The following PCDHA1 variants were observed in gnomAD, a reference collection of about 807,000 sequenced individuals.
PCDHA1 encodes protocadherin alpha-1.
A neutral mutation model predicts 61.3 loss-of-function variants in PCDHA1; 42 were observed. The ratio of observed to expected loss-of-function variants is 0.69; its 90% CI spans 0.54 to 0.89. The LOEUF (loss-of-function observed/expected upper bound fraction) is 0.89. PCDHA1 is among the 40% of genes least tolerant of loss of function. PCDHA1 has a pLI of 0.00. For missense variants in PCDHA1, 1,256 were observed against 1,235.3 expected (o/e 1.02, Z -0.25); for synonymous variants, 610 against 553.8 (o/e 1.10, Z -1.43).
chr5:140,801,983 G>T (rs1762826046), intron 1 of PCDHA1: 1 of 1,614,108 alleles, frequency 6.2e-7, no homozygotes, highest in South Asian at 1.1e-5. Context: ...CCCTAGTGGT[G>T]ACCGTTAACG....
At chr5:140,852,245 A>G (rs2042277804) in intron 1 of PCDHA1, 6 of 557,120 alleles carry the variant, frequency 1.1e-5, no homozygotes, top group Non-Finnish European at 1.4e-5. Flanking sequence ...CTTAAAACAC[A>G]CTTTTGGAAT....
At chr5:140,912,897 G>T (rs782442093) in intron 1 of PCDHA1, among the ~76,000 whole-genome samples, 1 of 152,290 alleles carries the variant, frequency 6.6e-6, no homozygotes, top group East Asian at 1.9e-4. Context: ...TTGATATGAT[G>T]TATCATATTG....
intron 1 of PCDHA1, chr5:140,804,915 C>T: frequency 1.1e-6 from 1 of 923,182 alleles, no homozygotes; most frequent in East Asian, 3.0e-5. Context: ...TTCTTTATTT[C>T]CTTTTTTGGC....
intron 3 of PCDHA1, among the ~76,000 whole-genome samples, chr5:140,990,780 GACGATGA>G (rs1554251732): frequency 6.6e-6 from 1 of 152,192 alleles, no homozygotes; most frequent in Non-Finnish European, 1.5e-5. Flanking sequence ...CTCTGTGTTG[GACGATGA>G]ACCATGGAAT....
chr5:140,924,008 C>T lies in PCDHA1; in HGVS notation c.2395-54941C>T, dbSNP rs75028295. On this transcript the variant is annotated intron_variant, in intron 1 of 3. Coordinates refer to ENST00000504120, the MANE Select transcript of PCDHA1 (RefSeq NM_018900.4). ...TAGGTGCAGCTCAGAATTCCTAAAC[C>T]TGGTATAATTGGAGGCATGGCTGCA... 7.8e-3 allele frequency among the ~76,000 whole-genome samples: 1,191 copies of T among 152,262 alleles called. 21 individuals are homozygous for T. The highest frequency in any genetic ancestry group is 0.026 in the African/African-American group (1,098 of 41,552).
rs1281739668 is a variant in PCDHA1, at chr5:140,966,815, C to T, written c.2395-12134C>T. On this transcript the variant is annotated intron_variant, in intron 1 of 3. Transcript: ENST00000504120. The stretch of plus-strand genomic sequence containing the variant: ...TGCGGCGACAGAGCATCCACGGCTC[C>T]GGCGGCCCATGCCCTGGCTGCTGCT... 1.9e-6 allele frequency: 3 copies of T among 1,552,884 alleles called. No individual in the cohort carries two copies. The highest frequency in any genetic ancestry group is 1.7e-6 in the Non-Finnish European group (2 of 1,153,182).
At chr5:140,795,523 G>A (rs781948718) in intron 1 of PCDHA1, 2 of 1,614,152 alleles carry the variant, frequency 1.2e-6, no homozygotes, top group Middle Eastern at 1.6e-4. Flanking sequence ...GGCAAATGAT[G>A]AACTAAGCGA....
At chr5:140,969,388 A>C in intron 1 of PCDHA1, 2 of 1,595,066 alleles carry the variant, frequency 1.3e-6, no homozygotes, top group Non-Finnish European at 1.7e-6. Context: ...CACATCCCCC[A>C]ATATCCTGTG....
At chr5:140,871,360 AG>A in intron 1 of PCDHA1, 1 of 1,614,180 alleles carries the variant, frequency 6.2e-7, no homozygotes, top group East Asian at 2.2e-5. Context: ...CTCGCAGCAG[AG>A]GCGGCAGAGG....
In PCDHA1 at chr5:140,796,729, C is replaced by A. The variant is rs1762129125; in HGVS notation, c.2394+8045C>A. On this transcript the variant is annotated intron_variant, in intron 1 of 3. Coordinates refer to ENST00000504120, the MANE Select transcript of PCDHA1 (RefSeq NM_018900.4). ...GGTGCCGTGGTCGGTGGGTGCAGGG[C>A]ACGTGGTGGCGAAGGTGCGCGCAGT... The A allele has an allele frequency of 6.8e-6, 11 of 1,613,976 alleles. No homozygotes were observed. Among genetic ancestry groups the A allele is most frequent in the Admixed American group, 1.7e-5 (1 of 60,008 alleles).
intron 3 of PCDHA1, among the ~76,000 whole-genome samples, chr5:140,997,565 A>G (rs552009994): frequency 6.6e-6 from 1 of 152,292 alleles, no homozygotes; most frequent in South Asian, 2.1e-4. Flanking sequence ...CAACTGTCAT[A>G]TGTGTGGTCC....
chr5:140,829,901 A>T lies in PCDHA1; in HGVS notation c.2394+41217A>T, dbSNP rs2150177337. 19 of 1,613,992 alleles carry T rather than the reference A, an allele frequency of 1.2e-5. No individual in the cohort carries two copies. In the East Asian group the frequency reaches 4.2e-4, roughly 36 times the overall value. ...CGCAGTTGACGCCGACTCAGGCTAC[A>T]ACGCGTGGCTTTCGTATGAGCTGCA... On this transcript the variant is annotated intron_variant, in intron 1 of 3. Coordinates refer to ENST00000504120, the MANE Select transcript of PCDHA1 (RefSeq NM_018900.4).
chr5:140,870,704 T>C (rs782770549), intron 1 of PCDHA1: 1 of 1,612,984 alleles, frequency 6.2e-7, no homozygotes, highest in Non-Finnish European at 8.5e-7. Flanking sequence ...CAGTTCCAGG[T>C]GAGCGCGCGC....
chr5:141,001,020 TATA>T (rs539315208), intron 3 of PCDHA1, among the ~76,000 whole-genome samples: 5 of 152,250 alleles, frequency 3.3e-5, no homozygotes, highest in Non-Finnish European at 5.9e-5. Context: ...GATATACACT[TATA>T]ATAATAGCTT....
rs1781057747 is a variant in PCDHA1 at position 140,847,527 on chromosome 5, G to T, written c.2394+58843G>T. On this transcript the variant is annotated intron_variant, in intron 1 of 3. Transcript: ENST00000504120. ...ACTTTGTAGAACTTAGTCAGGAAAA[G>T]AATCTCAAGCATAGCTTTAAAAACA... 2.0e-5 allele frequency: 3 copies of T among 149,526 alleles called. No homozygotes were observed. In the Admixed American group the frequency reaches 2.0e-4, roughly 10 times the overall value. The allele number at this position is 149,526 out of a possible 1,614,324, so 9.3% of individuals were successfully genotyped here.
rs199785183 is a variant in PCDHA1 at position 140,850,432 on chromosome 5, G to T, written c.2394+61748G>T. On this transcript the variant is annotated intron_variant, in intron 1 of 3. Transcript: ENST00000504120. ...GACGAAACGGACGCACCGCGCCAGC[G>T]CCTACTGGTGCTGGTGAAAGACCAC... 1.6e-4 allele frequency: 251 copies of T among 1,597,712 alleles called. 21 individuals carry two copies. The highest frequency in any genetic ancestry group is 3.2e-4 in the Admixed American group (19 of 59,266).
chr5:140,851,225 C>G, intron 1 of PCDHA1: 4 of 1,141,878 alleles, frequency 3.5e-6, no homozygotes, highest in Non-Finnish European at 3.3e-6. Context: ...ACATCACTAT[C>G]ATTTATTTAT....
chr5:140,929,511 G>T, intron 1 of PCDHA1: 1 of 781,088 alleles, frequency 1.3e-6, no homozygotes, highest in Non-Finnish European at 1.8e-6. Flanking sequence ...AGGCCTCAAG[G>T]GACTTATAGT....
chr5:141,009,863 A>G lies in PCDHA1; in HGVS notation c.2779A>G (p.Lys927Glu). 1 of 1,614,104 alleles carries G rather than the reference A, an allele frequency of 6.2e-7. No homozygotes were observed. Among genetic ancestry groups the G allele is most frequent in the Non-Finnish European group, 8.5e-7 (1 of 1,180,006 alleles). Residue 927 changes from lysine to glutamate, a missense_variant, in exon 4 of 4, where the codon AAA becomes GAA. Coordinates refer to ENST00000504120, the MANE Select transcript of PCDHA1 (RefSeq NM_018900.4). ...GKKEETKKKK[K>E]KKKGNKTQEK... ...AAAGGAGGAGACCAAGAAAAAGAAG[A>G]AAAAGAAGAAGGGTAACAAGACCCA...
Sources: gnomAD v4.1 joint callset for allele counts (sites outside exome capture counted in the v4.1 genomes callset) on GRCh38, gnomAD v4.1.1 for gene constraint, MANE v1.5 for transcripts, NCBI Gene and HGNC (gene_info 2026-07-23, HGNC 2026-07-21) for gene names.